The following PCDHGB5 variants were observed in gnomAD, a reference collection of about 807,000 sequenced individuals.
The protein encoded by PCDHGB5 is protocadherin gamma-B5.
A neutral mutation model predicts 62.9 loss-of-function variants in PCDHGB5; 48 were observed. That is an observed-to-expected ratio of 0.76 (90% CI 0.61 to 0.97). The LOEUF (loss-of-function observed/expected upper bound fraction) is 0.97. Among genes scored for constraint, PCDHGB5 ranks in the 50% least tolerant of loss-of-function variants. PCDHGB5 has a pLI of 0.00. For synonymous variants in PCDHGB5, 474 were observed against 511.2 expected (o/e 0.93, Z 0.98); for missense variants, 1,118 against 1,198.6 (o/e 0.93, Z 0.99).
chr5:141,413,649 C>G, intron 1 of PCDHGB5: 1 of 1,613,836 alleles, frequency 6.2e-7, no homozygotes, highest in South Asian at 1.1e-5. Flanking sequence ...GTTTTCCTCT[C>G]CCGGAAGCTA....
chr5:141,408,897 T>C (rs1156707427), intron 1 of PCDHGB5: 1 of 1,613,118 alleles, frequency 6.2e-7, no homozygotes, highest in East Asian at 2.2e-5. Context: ...GAAATTTCTG[T>C]CAAGGATACC....
chr5:141,401,000 C>T (rs113065470), intron 1 of PCDHGB5, among the ~76,000 whole-genome samples: 2 of 152,218 alleles, frequency 1.3e-5, no homozygotes, highest in Non-Finnish European at 2.9e-5. Flanking sequence ...CTTTCTTATT[C>T]CTACCTAATG....
intron 1 of PCDHGB5, chr5:141,441,746 C>A: frequency 5.4e-6 from 2 of 371,314 alleles, no homozygotes; most frequent in East Asian, 9.8e-5. Flanking sequence ...TCGCGCTCGG[C>A]GTCAACGTGA....
rs1228831823 is a variant in PCDHGB5, at chr5:141,487,778, T to C, written c.2398-7029T>C. ...GGTAGACGCTGTGCTTTGTAACTGT[T>C]TCGTGAATTAACCAGAGTTGTCACA... On this transcript the variant is annotated intron_variant, in intron 1 of 3. Coordinates refer to ENST00000617380, the MANE Select transcript of PCDHGB5 (RefSeq NM_018925.3). The surrounding 1 kb of genome is among the most constrained non-coding windows in gnomAD (Gnocchi z 5.0). The C allele has an allele frequency of 6.5e-7, 1 of 1,531,514 alleles. No individual in the cohort carries two copies. The highest frequency in any genetic ancestry group is 2.0e-5 in the Admixed American group (1 of 49,632). 94.9% of individuals were successfully genotyped at this position (1,531,514 alleles called of 1,614,324 possible).
chr5:141,486,734 C>G lies in PCDHGB5; in HGVS notation c.2398-8073C>G, dbSNP rs2099634292. On this transcript the variant is annotated intron_variant, in intron 1 of 3. Transcript: ENST00000617380. This position sits in a 1 kb window ranked among gnomAD's most constrained non-coding sequence, Gnocchi z 5.0. ...CCAGACAGGAGCTGTTCATGCTACT[C>G]GATCCTTTGACTATGAGCAAACCCA... 6.2e-7 allele frequency: 1 copy of G among 1,614,070 alleles called. No individual in the cohort carries two copies. The highest frequency in any genetic ancestry group is 1.7e-5 in the Admixed American group (1 of 60,000).
chr5:141,434,026 A>G (rs2154556044), intron 1 of PCDHGB5, among the ~76,000 whole-genome samples: 1 of 152,236 alleles, frequency 6.6e-6, no homozygotes, highest in Admixed American at 6.5e-5. Flanking sequence ...TGATTCTGGA[A>G]GCATGGTTTT....
chr5:141,400,233 C>T lies in PCDHGB5; in HGVS notation c.2106C>T (p.Ala702=), dbSNP rs373858401. ...LALISVLFLL[A]VILAVALRLR... ...TGATCTCAGTGCTCTTCCTCCTGGCCGTGATTCTGGCCGTTGCCTTGCGCC... is the reference window on the plus strand; with the variant it reads ...TGATCTCAGTGCTCTTCCTCCTGGCTGTGATTCTGGCCGTTGCCTTGCGCC... The change falls in exon 1 of 4, where the codon GCC becomes GCT. Residue 702 remains alanine (A), a synonymous_variant. Coordinates refer to ENST00000617380, the MANE Select transcript of PCDHGB5 (RefSeq NM_018925.3). 100 of 1,613,988 alleles carry T rather than the reference C, an allele frequency of 6.2e-5. 1 individual carries two copies. The African/African-American group carries it at 1.1e-3, about 18-fold the overall frequency.
At chr5:141,510,900 G>A in intron 3 of PCDHGB5, 47 bp from the exon 4 acceptor site, 6 of 1,613,378 alleles carry the variant, frequency 3.7e-6, no homozygotes, top group Non-Finnish European at 5.1e-6. Context: ...AGTGACTGTT[G>A]AGGACCCTAA....
Position 141,431,386 on chromosome 5 carries a change from C to A in PCDHGB5, c.2397+30862C>A. The stretch of plus-strand genomic sequence containing the variant: ...ACCGCGAAGAAAAGGCTGCTCACCA[C>A]CTGGTCCTTACGGCCTCCGACGGGG... On this transcript the variant is annotated intron_variant, in intron 1 of 3. Coordinates refer to ENST00000617380, the MANE Select transcript of PCDHGB5 (RefSeq NM_018925.3). The surrounding 1 kb of genome is among the most constrained non-coding windows in gnomAD (Gnocchi z 4.8). The A allele has an allele frequency of 6.2e-7, 1 of 1,613,924 alleles. No individual in the cohort carries two copies. Among genetic ancestry groups the A allele is most frequent in the Non-Finnish European group, 8.5e-7 (1 of 1,180,038 alleles).
intron 2 of PCDHGB5, among the ~76,000 whole-genome samples, chr5:141,503,681 A>C (rs1313633991): frequency 6.6e-6 from 1 of 152,102 alleles, no homozygotes; most frequent in Non-Finnish European, 1.5e-5. Context: ...ACTTTTGGGA[A>C]GGAGAATTGA....
chr5:141,403,049 T>C (rs368917303), intron 1 of PCDHGB5: 2 of 1,613,938 alleles, frequency 1.2e-6, no homozygotes, highest in Non-Finnish European at 1.7e-6. Flanking sequence ...TCAGATTCGC[T>C]ACTCAGTGCC....
rs762574320 is a variant in PCDHGB5, at chr5:141,485,926, G to A, written c.2398-8881G>A. The A allele has an allele frequency of 2.0e-5, 32 of 1,614,090 alleles. No individual in the cohort carries two copies. Among genetic ancestry groups the A allele is most frequent in the Admixed American group, 1.2e-4 (7 of 60,006 alleles). ...AGCAATCCAGCTACAGGATTAGTGT[G>A]TTGGAGAGCGCACCAGCGGGCATGG... On this transcript the variant is annotated intron_variant, in intron 1 of 3. Transcript: ENST00000617380. The surrounding 1 kb of genome is among the most constrained non-coding windows in gnomAD (Gnocchi z 5.7).
Position 141,487,266 on chromosome 5 carries a change from T to A in PCDHGB5, c.2398-7541T>A. The stretch of plus-strand genomic sequence containing the variant: ...ACCCTCTACTTGGCTGTGTCCCTAG[T>A]GGCAATTTGCTTTGTCTCCTTTGGC... On this transcript the variant is annotated intron_variant, in intron 1 of 3. Transcript: ENST00000617380. This position sits in a 1 kb window ranked among gnomAD's most constrained non-coding sequence, Gnocchi z 5.0. The A allele has an allele frequency of 1.2e-6, 2 of 1,614,172 alleles. No homozygotes were observed. Among genetic ancestry groups the A allele is most frequent in the Non-Finnish European group, 8.5e-7 (1 of 1,180,036 alleles).
In PCDHGB5 at chr5:141,404,687, C is replaced by T. The variant is rs190249934; in HGVS notation, c.2397+4163C>T. 2,728 of 1,614,088 alleles carry T rather than the reference C, an allele frequency of 1.7e-3. 3 individuals carry two copies. Among genetic ancestry groups the T allele is most frequent in the Non-Finnish European group, 2.2e-3 (2,615 of 1,179,946 alleles). On this transcript the variant is annotated intron_variant, in intron 1 of 3. Coordinates refer to ENST00000617380, the MANE Select transcript of PCDHGB5 (RefSeq NM_018925.3). ...TGGTTCTACTGGTGTGGAGCTGGCA[C>T]CCCGCTCTGCAGAGCCTGGCTACCT...
At chr5:141,443,759 A>G (rs1055796439) in intron 1 of PCDHGB5, among the ~76,000 whole-genome samples, 2 of 152,228 alleles carry the variant, frequency 1.3e-5, no homozygotes, top group African/African-American at 2.4e-5. Flanking sequence ...GAAGCTTACA[A>G]TATACAATAT....
At chr5:141,427,954 T>G in intron 1 of PCDHGB5, 1 of 1,587,162 alleles carries the variant, frequency 6.3e-7, no homozygotes, top group Non-Finnish European at 8.6e-7. Context: ...AATGACAATG[T>G]GCCGCGGGTG....
intron 1 of PCDHGB5, among the ~76,000 whole-genome samples, chr5:141,458,338 G>A (rs1160200932): frequency 2.6e-5 from 4 of 152,134 alleles, no homozygotes; most frequent in African/African-American, 9.7e-5. Context: ...GTTTTAAGGA[G>A]TGGAGAGTTT....
intron 1 of PCDHGB5, chr5:141,408,974 G>A (rs899313364): frequency 6.2e-7 from 1 of 1,613,808 alleles, no homozygotes; most frequent in South Asian, 1.1e-5. Context: ...TCTGCCCCCT[G>A]GGTCCCCTGT....
intron 1 of PCDHGB5, among the ~76,000 whole-genome samples, chr5:141,465,038 G>T (rs1297185291): frequency 6.6e-6 from 1 of 151,642 alleles, no homozygotes; most frequent in Non-Finnish European, 1.5e-5. Flanking sequence ...CACCACAAAT[G>T]ACCCTATATA....
Sources: gnomAD v4.1 joint callset for allele counts (sites outside exome capture counted in the v4.1 genomes callset) on GRCh38, gnomAD v4.1.1 for gene constraint, Gnocchi (gnomAD v3.1) non-coding constraint, MANE v1.5 for transcripts, NCBI Gene and HGNC (gene_info 2026-07-23, HGNC 2026-07-21) for gene names.